NAALADL2: variants seen among roughly 807,000 people sequenced by gnomAD.
NAALADL2 encodes the protein inactive N-acetylated-alpha-linked acidic dipeptidase-like protein 2.
In NAALADL2, 76 loss-of-function variants were observed where a neutral mutation model predicts 87.2. The observed-to-expected ratio is 0.87, with a 90% CI of 0.72 to 1.05. NAALADL2 has a LOEUF of 1.05. Ranked by LOEUF, NAALADL2 falls within the 50% of genes least tolerant of loss-of-function variation. The pLI is 0.00. For synonymous variants in NAALADL2, 354 were observed against 331.0 expected (o/e 1.07, Z -0.75); for missense variants, 1,089 against 945.8 (o/e 1.15, Z -1.99).
intron 5 of NAALADL2, among the ~76,000 whole-genome samples, chr3:175,340,154 T>A (rs1463332810): frequency 6.6e-6 from 1 of 152,186 alleles, no homozygotes; most frequent in Non-Finnish European, 1.5e-5. Flanking sequence ...TATTTTCACT[T>A]AGCAGGTTGT....
intron 9 of NAALADL2, among the ~76,000 whole-genome samples, chr3:175,570,286 T>C (rs946855157): frequency 1.3e-5 from 2 of 152,120 alleles, no homozygotes; most frequent in African/African-American, 2.4e-5. Flanking sequence ...GGTGTCCACA[T>C]TGAGTAGGGC....
chr3:174,995,363 A>T (rs1747297556), intron 1 of NAALADL2, among the ~76,000 whole-genome samples: 1 of 152,134 alleles, frequency 6.6e-6, no homozygotes, highest in Non-Finnish European at 1.5e-5. Flanking sequence ...TAATTAATTT[A>T]AAAAATTTAA....
intron 2 of NAALADL2, among the ~76,000 whole-genome samples, chr3:174,688,643 T>G (rs1578552751): frequency 6.6e-6 from 1 of 152,220 alleles, no homozygotes. Flanking sequence ...AGAGACAGTT[T>G]ACCTTTCTGT....
At chr3:174,844,839 T>TG in intron 3 of NAALADL2, among the ~76,000 whole-genome samples, 2 of 130,830 alleles carry the variant, frequency 1.5e-5, no homozygotes, top group Non-Finnish European at 3.2e-5. Context: ...CTAATGGTTT[T>TG]TTTTTTTTTT....
At chr3:174,622,847 T>C (rs1486197672) in intron 2 of NAALADL2, among the ~76,000 whole-genome samples, 17 of 152,144 alleles carry the variant, frequency 1.1e-4, no homozygotes, top group East Asian at 1.9e-4. Context: ...GAGACCATCC[T>C]GGCTAACTTG....
intron 1 of NAALADL2, among the ~76,000 whole-genome samples, chr3:174,899,997 A>G (rs1732116148): frequency 6.6e-6 from 1 of 152,102 alleles, no homozygotes; most frequent in African/African-American, 2.4e-5. Flanking sequence ...TTTATATATT[A>G]ATTTCAACCA....
chr3:175,527,779 A>G (rs917544717), intron 9 of NAALADL2, among the ~76,000 whole-genome samples: 6 of 152,208 alleles, frequency 3.9e-5, no homozygotes, highest in African/African-American at 1.4e-4. Flanking sequence ...TTAAGATTTT[A>G]TAAGTCATTA....
At chr3:175,690,840 A>G (rs1000402857) in intron 11 of NAALADL2, among the ~76,000 whole-genome samples, 1 of 152,160 alleles carries the variant, frequency 6.6e-6, no homozygotes, top group African/African-American at 2.4e-5. Context: ...TAGTGTAAAA[A>G]TAGTGATAAT....
chr3:174,622,770 G>A (rs950820581), intron 2 of NAALADL2, among the ~76,000 whole-genome samples: 1 of 152,176 alleles, frequency 6.6e-6, no homozygotes, highest in African/African-American at 2.4e-5. Context: ...GCCGGGCGCG[G>A]TGGCTCACGC....
chr3:175,699,730 C>A (rs566713166), intron 11 of NAALADL2, among the ~76,000 whole-genome samples: 1 of 151,282 alleles, frequency 6.6e-6, no homozygotes, highest in African/African-American at 2.5e-5. Flanking sequence ...TATTGAGTGC[C>A]ACTGAGTGAC....
intron 9 of NAALADL2, among the ~76,000 whole-genome samples, chr3:175,474,514 G>T (rs1010103099): frequency 6.6e-6 from 1 of 152,088 alleles, no homozygotes; most frequent in African/African-American, 2.4e-5. Context: ...TAGTCTTATC[G>T]CTCAAGTCAC....
chr3:174,637,852 CT>C (rs1722801337), intron 2 of NAALADL2, among the ~76,000 whole-genome samples: 3 of 151,816 alleles, frequency 2.0e-5, no homozygotes, highest in Admixed American at 6.6e-5. Context: ...TCTGCTAAAA[CT>C]TTATTTTTTT....
At chr3:174,607,813 G>A (rs1392403417) in intron 2 of NAALADL2, among the ~76,000 whole-genome samples, 1 of 151,968 alleles carries the variant, frequency 6.6e-6, no homozygotes, top group Non-Finnish European at 1.5e-5. Flanking sequence ...TCACCAAGTG[G>A]ACCTAATAGA....
intron 1 of NAALADL2, among the ~76,000 whole-genome samples, chr3:175,067,258 C>T (rs1458130122): frequency 6.6e-6 from 1 of 152,104 alleles, no homozygotes; most frequent in Non-Finnish European, 1.5e-5. Flanking sequence ...CCTAATTAAA[C>T]TGAAGAGCTT....
chr3:174,913,526 T>C (rs1224355675), intron 1 of NAALADL2, among the ~76,000 whole-genome samples: 2 of 152,174 alleles, frequency 1.3e-5, no homozygotes, highest in Non-Finnish European at 2.9e-5. Flanking sequence ...CTCTAGGTTG[T>C]GGCAGTGGGC....
At position 175,096,947 on chromosome 3, in the gene NAALADL2, C is replaced by T. The variant is rs368777799; in HGVS notation, c.201C>T (p.Asp67=). Residue 67 remains aspartate (D), a synonymous_variant, in exon 2 of 14, where the codon GAC becomes GAT. Transcript: ENST00000454872. The part of the protein sequence containing the change: ...EESGFDQFQL[D]GAENQNLGHS... The stretch of plus-strand genomic sequence containing the variant: ...CTGGTTTTGACCAATTCCAGCTAGA[C>T]GGTGCTGAGAATCAGAACCTAGGGC... 30 of 1,613,136 alleles carry T rather than the reference C, an allele frequency of 1.9e-5. No homozygotes were observed. Among genetic ancestry groups the T allele is most frequent in the African/African-American group, 6.7e-5 (5 of 74,826 alleles).
At chr3:175,098,898 T>G (rs963991502) in intron 2 of NAALADL2, among the ~76,000 whole-genome samples, 1 of 152,026 alleles carries the variant, frequency 6.6e-6, no homozygotes, top group Non-Finnish European at 1.5e-5. Context: ...TATGTGTTTT[T>G]TTTTTTTTCC....
At chr3:174,868,177 T>C (rs889361990) in intron 1 of NAALADL2, among the ~76,000 whole-genome samples, 36 of 152,110 alleles carry the variant, frequency 2.4e-4, no homozygotes, top group African/African-American at 8.2e-4. Flanking sequence ...GAAGGAGAAA[T>C]GTAATGCTTT....
At chr3:175,164,428 GA>G (rs1171586586) in intron 2 of NAALADL2, among the ~76,000 whole-genome samples, 1 of 151,652 alleles carries the variant, frequency 6.6e-6, no homozygotes, top group Non-Finnish European at 1.5e-5. Flanking sequence ...TAGAAATAAA[GA>G]ATTAAAGGAA....
Sources: gnomAD v4.1 joint callset for allele counts (sites outside exome capture counted in the v4.1 genomes callset) on GRCh38, gnomAD v4.1.1 for gene constraint, MANE v1.5 for transcripts, NCBI Gene and HGNC (gene_info 2026-07-23, HGNC 2026-07-21) for gene names.